Variants in INTS9 observed in about 807,000 individuals in gnomAD.
INTS9 encodes the protein protein related to CPSF subunits of 74 kDa.
In INTS9, 55 loss-of-function variants were observed where a neutral mutation model predicts 79.7. That is an observed-to-expected ratio of 0.69 (90% CI 0.56 to 0.86). The LOEUF is 0.86. Among genes scored for constraint, INTS9 ranks in the 40% least tolerant of loss-of-function variants. The pLI is 0.00. For synonymous variants in INTS9, 319 were observed against 325.2 expected, an observed-to-expected ratio of 0.98 and a Z score of 0.20; for missense variants, 721 against 831.5, an observed-to-expected ratio of 0.87 and a Z score of 1.64.
intron 1 of INTS9, among the ~76,000 whole-genome samples, chr8:28,881,338 C>A (rs1282523394): frequency 7.4e-6 from 1 of 134,834 alleles, no homozygotes; most frequent in African/African-American, 2.8e-5. Flanking sequence ...CCGCCCCGTC[C>A]GGGAGGTGAG....
chr8:28,844,676 T>C (rs1054037616), intron 4 of INTS9, among the ~76,000 whole-genome samples: 22 of 151,996 alleles, frequency 1.4e-4, no homozygotes, highest in South Asian at 2.1e-4. Context: ...AATTCAAAAA[T>C]GAGCTGGTGG....
rs1394965059 is a variant in INTS9, at chr8:28,814,069, T to A, written c.489-457A>T. On this transcript the variant is annotated intron_variant, in intron 6 of 16. Coordinates refer to ENST00000521022, the MANE Select transcript of INTS9 (RefSeq NM_018250.4). The stretch of plus-strand genomic sequence containing the variant: ...CCACCGTGCTCAGCCATTTCTTTTT[T>A]TAAAAAAAAAAAAAAAATAGAGACA... 1.6e-3 allele frequency among the ~76,000 whole-genome samples: 241 copies of A among 149,198 alleles called. 2 individuals are homozygous for A. The highest frequency in any genetic ancestry group is 5.9e-3 in the African/African-American group (235 of 39,622).
At chr8:28,804,273 G>C (rs537725428) in intron 8 of INTS9, among the ~76,000 whole-genome samples, 1 of 152,266 alleles carries the variant, frequency 6.6e-6, no homozygotes, top group Admixed American at 6.5e-5. Context: ...CAGAAGCAAG[G>C]GCAGCTGACA....
intron 4 of INTS9, among the ~76,000 whole-genome samples, chr8:28,841,376 T>C (rs1807173834): frequency 6.6e-6 from 1 of 152,200 alleles, no homozygotes; most frequent in African/African-American, 2.4e-5. Flanking sequence ...TGAATCACAC[T>C]GAAGCAACAA....
intron 11 of INTS9, among the ~76,000 whole-genome samples, chr8:28,785,077 G>C (rs1803501394): frequency 6.6e-6 from 1 of 152,232 alleles, no homozygotes; most frequent in Admixed American, 6.5e-5. Context: ...ACTAGATTCA[G>C]GTGAAGCATT....
chr8:28,877,919 A>T (rs1809483120), intron 1 of INTS9, among the ~76,000 whole-genome samples: 1 of 152,224 alleles, frequency 6.6e-6, no homozygotes, highest in Non-Finnish European at 1.5e-5. Flanking sequence ...GAAAATACAA[A>T]GGGTGTTAGA....
chr8:28,779,450 G>A (rs1035218825), intron 12 of INTS9, among the ~76,000 whole-genome samples: 1 of 152,142 alleles, frequency 6.6e-6, no homozygotes. Flanking sequence ...GTCTGACAAT[G>A]ATGGATCCGG....
intron 1 of INTS9, among the ~76,000 whole-genome samples, chr8:28,880,011 G>A (rs1319648974): frequency 6.6e-6 from 1 of 151,916 alleles, no homozygotes; most frequent in Non-Finnish European, 1.5e-5. Flanking sequence ...TGTTTTATAT[G>A]CAAGAATTTT....
At chr8:28,818,979 C>T (rs1805665873) in intron 6 of INTS9, among the ~76,000 whole-genome samples, 1 of 152,150 alleles carries the variant, frequency 6.6e-6, no homozygotes, top group Admixed American at 6.5e-5. Flanking sequence ...GTTTGTATTT[C>T]TGTGGGATCG....
intron 6 of INTS9, among the ~76,000 whole-genome samples, chr8:28,826,064 C>A (rs1364752334): frequency 6.6e-6 from 1 of 152,146 alleles, no homozygotes; most frequent in Non-Finnish European, 1.5e-5. Context: ...TTTGTTTATA[C>A]AGAAATTTTC....
intron 11 of INTS9, among the ~76,000 whole-genome samples, chr8:28,781,313 T>C (rs1803251650): frequency 6.6e-6 from 1 of 152,066 alleles, no homozygotes; most frequent in Non-Finnish European, 1.5e-5. Context: ...ATTAGGAAAC[T>C]GCAAATTAAA....
Position 28,851,190 on chromosome 8 carries a change from G to A in INTS9, c.138-917C>T, listed in dbSNP as rs1195926954. Among the ~76,000 whole-genome samples the A allele has an allele frequency of 1.3e-5, 2 of 150,858 alleles. 1 individual carries two copies. Among genetic ancestry groups the A allele is most frequent in the African/African-American group, 5.0e-5 (2 of 40,232 alleles). Reference sequence around the variant, plus strand: ...ATGCAAAAGTTAAGGGCAAAGTAAGGGTGCGGGACTAAAAGAATCAGAAAC... The same window carrying A: ...ATGCAAAAGTTAAGGGCAAAGTAAGAGTGCGGGACTAAAAGAATCAGAAAC... On this transcript the variant is annotated intron_variant, in intron 2 of 16. Transcript: ENST00000521022.
intron 3 of INTS9, among the ~76,000 whole-genome samples, chr8:28,849,662 C>T (rs1016728626): frequency 3.9e-5 from 6 of 152,024 alleles, no homozygotes; most frequent in African/African-American, 9.7e-5. Context: ...GCTCCTGGAC[C>T]GTTCCCCACA....
chr8:28,786,757 A>G lies in INTS9; in HGVS notation c.1098+1072T>C, dbSNP rs556482763. ...TTTTGAGACGGAGTCTCACTCTGTG[A>G]CCCAGGCTAGAGTGCAGTGGCGCGA... On this transcript the variant is annotated intron_variant, in intron 11 of 16. Coordinates refer to ENST00000521022, the MANE Select transcript of INTS9 (RefSeq NM_018250.4). Among the ~76,000 whole-genome samples, 192 of 152,116 alleles carry G rather than the reference A, an allele frequency of 1.3e-3. 3 individuals carry two copies. The highest frequency in any genetic ancestry group is 4.1e-4 in the Non-Finnish European group (28 of 67,982).
Position 28,787,752 on chromosome 8 carries a change from A to G in INTS9, c.1098+77T>C, listed in dbSNP as rs1269094049. ...GTTTACACAGCAATCTATTTCATCT[A>G]ACGACCTGCTGTCTGCATCTGCATC... On this transcript the variant is annotated intron_variant, in intron 11 of 16. Transcript: ENST00000521022. 6.9e-6 allele frequency: 7 copies of G among 1,013,350 alleles called. No individual in the cohort carries two copies. The Admixed American group carries it at 1.2e-4, about 18-fold the overall frequency. The allele number at this position is 1,013,350 out of a possible 1,614,324, so 62.8% of individuals were successfully genotyped here. A position where few individuals can be genotyped will look rare whatever the true frequency, so the allele number is the denominator to read the frequency against.
chr8:28,769,801 A>G, intron 16 of INTS9, 88 bp downstream of exon 16: 1 of 1,525,572 alleles, frequency 6.6e-7, no homozygotes, highest in Non-Finnish European at 8.9e-7. Flanking sequence ...AAGCAGCAAC[A>G]TCCACTCCCT....
In INTS9 at chr8:28,863,530, C is replaced by T. The variant is rs150566332; in HGVS notation, c.10-3967G>A. Among the ~76,000 whole-genome samples, 604 of 152,300 alleles carry T rather than the reference C, an allele frequency of 4.0e-3. 3 individuals are homozygous for T. The highest frequency in any genetic ancestry group is 0.014 in the African/African-American group (572 of 41,560). On this transcript the variant is annotated intron_variant, in intron 1 of 16. Coordinates refer to ENST00000521022, the MANE Select transcript of INTS9 (RefSeq NM_018250.4). ...GTAGCTCACTCCTGTAATCCCAGCACTTTGGGAGGCCAAGGCGGGAAGATC... is the reference window on the plus strand; with the variant it reads ...GTAGCTCACTCCTGTAATCCCAGCATTTTGGGAGGCCAAGGCGGGAAGATC...
At chr8:28,796,161 T>TTAGCCGGGTGTG (rs1740119281) in intron 9 of INTS9, among the ~76,000 whole-genome samples, 1 of 152,076 alleles carries the variant, frequency 6.6e-6, no homozygotes, top group Non-Finnish European at 1.5e-5. Flanking sequence ...AATACAGAAA[T>TTAGCCGGGTGTG]TAGCCGGGTG....
chr8:28,812,668 C>T (rs1290812458), intron 7 of INTS9, among the ~76,000 whole-genome samples: 1 of 152,214 alleles, frequency 6.6e-6, no homozygotes, highest in East Asian at 1.9e-4. Flanking sequence ...GCCTGGGCAA[C>T]ATGGTGAAAC....
Sources: allele counts gnomAD v4.1 joint callset (sites outside exome capture counted in the v4.1 genomes callset), GRCh38; gene constraint gnomAD v4.1.1; transcripts MANE v1.5; gene names NCBI Gene and HGNC (gene_info 2026-07-23, HGNC 2026-07-21).